ADAM12: variants seen among roughly 807,000 people sequenced by gnomAD.
The protein encoded by ADAM12 is ADAM metallopeptidase domain 12.
A neutral mutation model predicts 106.4 loss-of-function variants in ADAM12; 70 were observed. The observed-to-expected ratio is 0.66, with a 90% CI of 0.54 to 0.80. The LOEUF is 0.80. ADAM12 is among the 30% of genes least tolerant of loss of function. The probability of loss-of-function intolerance (pLI) is 0.00; values close to 1 mark genes in which losing one functional copy is unlikely to be tolerated. For missense variants in ADAM12, 1,010 were observed against 1,171.9 expected (o/e 0.86, Z 2.02); for synonymous variants, 420 against 433.5 (o/e 0.97, Z 0.39).
At chr10:126,113,658 CAAAAAAAAAA>C (rs1158414658) in intron 6 of ADAM12, among the ~76,000 whole-genome samples, 1 of 4,878 alleles carries the variant, frequency 2.1e-4, no homozygotes, top group Non-Finnish European at 3.9e-4. Context: ...GACTCCGTCT[CAAAAAAAAAA>C]AAAAAAAAAA....
rs766806574 is a variant in ADAM12 at position 126,064,752 on chromosome 10, C to T, written c.1609+54G>A. On this transcript the variant is annotated intron_variant, in intron 14 of 22. Coordinates refer to ENST00000448723, the MANE Select transcript of ADAM12 (RefSeq NM_001288973.2). The surrounding 1 kb of genome is among the most constrained non-coding windows in gnomAD (Gnocchi z 4.4). ...AACAGAGCACATGCCCCCAGTCCCA[C>T]AGCCCAGGTCTGCCAGTGCCTCTCC... 145 of 1,524,824 alleles carry T rather than the reference C, an allele frequency of 9.5e-5. No individual in the cohort carries two copies. Among genetic ancestry groups the T allele is most frequent in the Non-Finnish European group, 1.2e-4 (140 of 1,133,890 alleles). The allele number at this position is 1,524,824 out of a possible 1,614,324, so 94.5% of individuals were successfully genotyped here.
chr10:126,341,418 A>G (rs1854928336), intron 1 of ADAM12, among the ~76,000 whole-genome samples: 1 of 152,206 alleles, frequency 6.6e-6, no homozygotes, highest in South Asian at 2.1e-4. Context: ...AATGGGGTCC[A>G]AGGCTTCGTT....
chr10:126,145,217 G>C (rs1044895529), intron 4 of ADAM12, among the ~76,000 whole-genome samples: 11 of 152,142 alleles, frequency 7.2e-5, no homozygotes, highest in African/African-American at 2.7e-4. Flanking sequence ...TCTGAGTTCA[G>C]TTGGGCCTTG....
At chr10:126,286,433 G>C (rs1424031521) in intron 2 of ADAM12, among the ~76,000 whole-genome samples, 1 of 152,162 alleles carries the variant, frequency 6.6e-6, no homozygotes, top group Non-Finnish European at 1.5e-5. Flanking sequence ...TGGAAGCTCA[G>C]AGGGATCTAA....
At chr10:126,082,036 GA>G (rs1205680288) in intron 11 of ADAM12, among the ~76,000 whole-genome samples, 2 of 152,206 alleles carry the variant, frequency 1.3e-5, no homozygotes, top group Non-Finnish European at 2.9e-5. Flanking sequence ...TGGTGTCAAA[GA>G]AGCAAAACAG....
chr10:126,236,370 G>A (rs1958416140), intron 3 of ADAM12, among the ~76,000 whole-genome samples: 1 of 152,208 alleles, frequency 6.6e-6, no homozygotes, highest in African/African-American at 2.4e-5. Flanking sequence ...CGGGATAAGT[G>A]GGGAGCAGGA....
At chr10:126,114,760 G>A (rs927394298) in intron 6 of ADAM12, among the ~76,000 whole-genome samples, 1 of 152,132 alleles carries the variant, frequency 6.6e-6, no homozygotes, top group South Asian at 2.1e-4. Flanking sequence ...GACTACAGGC[G>A]TGAGCCCCCA....
chr10:126,252,523 G>A (rs1039710901), intron 3 of ADAM12, among the ~76,000 whole-genome samples: 3 of 152,164 alleles, frequency 2.0e-5, no homozygotes, highest in Admixed American at 1.3e-4. Context: ...TCTAAAGGCT[G>A]GAGACCTGGA....
chr10:126,030,239 C>T (rs192081287), intron 21 of ADAM12, among the ~76,000 whole-genome samples: 21 of 152,234 alleles, frequency 1.4e-4, no homozygotes, highest in African/African-American at 3.6e-4. Flanking sequence ...AGCAAGTTGA[C>T]GGTTGCTGAA....
chr10:126,241,756 A>G (rs963831092), intron 3 of ADAM12, among the ~76,000 whole-genome samples: 3 of 152,222 alleles, frequency 2.0e-5, no homozygotes, highest in Non-Finnish European at 2.9e-5. Flanking sequence ...CATCACTGTA[A>G]GTATTAGAAA....
intron 1 of ADAM12, among the ~76,000 whole-genome samples, chr10:126,358,580 A>T (rs1370701867): frequency 1.3e-5 from 2 of 152,212 alleles, no homozygotes; most frequent in African/African-American, 2.4e-5. Context: ...TAAGATCCGG[A>T]ACAAGACAAG....
chr10:126,174,387 C>T (rs1957180147), intron 3 of ADAM12, among the ~76,000 whole-genome samples: 1 of 152,156 alleles, frequency 6.6e-6, no homozygotes, highest in African/African-American at 2.4e-5. Flanking sequence ...CAGTTCCTCG[C>T]TTCTCAGCCA....
chr10:126,236,828 C>A lies in ADAM12; in HGVS notation c.260+42087G>T, dbSNP rs530911425. Among the ~76,000 whole-genome samples, 17 of 152,272 alleles carry A rather than the reference C, an allele frequency of 1.1e-4. No homozygotes were observed. In the East Asian group the frequency reaches 3.1e-3, roughly 28 times the overall value. On this transcript the variant is annotated intron_variant, in intron 3 of 22. Coordinates refer to ENST00000448723, the MANE Select transcript of ADAM12 (RefSeq NM_001288973.2). The stretch of plus-strand genomic sequence containing the variant: ...CAACAGATCTCTGAGGATGGAGAAA[C>A]CCCTGGGGACAGCACCCCCAAAGCC...
At chr10:126,183,460 A>G (rs894173061) in intron 3 of ADAM12, among the ~76,000 whole-genome samples, 1 of 152,146 alleles carries the variant, frequency 6.6e-6, no homozygotes, top group Non-Finnish European at 1.5e-5. Context: ...CAGGATGGCT[A>G]CTGCAGACAG....
chr10:126,206,600 A>T (rs979815117), intron 3 of ADAM12, among the ~76,000 whole-genome samples: 1 of 152,150 alleles, frequency 6.6e-6, no homozygotes, highest in Non-Finnish European at 1.5e-5. Context: ...CTATTACGGG[A>T]TGTTTATCTG....
rs754543870 is a variant in ADAM12 at position 126,013,300 on chromosome 10, C to G, written c.*3979G>C. 1 of 152,214 alleles carries G rather than the reference C, an allele frequency of 6.6e-6. No individual in the cohort carries two copies. Among genetic ancestry groups the G allele is most frequent in the Non-Finnish European group, 1.5e-5 (1 of 68,054 alleles). 9.4% of individuals were successfully genotyped at this position (152,214 alleles called of 1,614,324 possible). On this transcript the variant is annotated 3_prime_UTR_variant, in exon 23 of 23. Coordinates refer to ENST00000448723, the MANE Select transcript of ADAM12 (RefSeq NM_001288973.2). The surrounding 1 kb of genome is among the most constrained non-coding windows in gnomAD (Gnocchi z 4.3). ...CACAGAAATGGTTCTCAGCATGGGG[C>G]TCCCAAACTTTCTTAGAGTGTCATT...
intron 2 of ADAM12, among the ~76,000 whole-genome samples, chr10:126,329,262 C>G (rs934551908): frequency 1.3e-5 from 2 of 152,122 alleles, no homozygotes; most frequent in African/African-American, 2.4e-5. Context: ...CAACTCTAAC[C>G]CCAGGGAAAG....
chr10:126,211,380 C>T (rs1211002789), intron 3 of ADAM12, among the ~76,000 whole-genome samples: 1 of 152,224 alleles, frequency 6.6e-6, no homozygotes, highest in Non-Finnish European at 1.5e-5. Flanking sequence ...CACTTAAGTT[C>T]TTCTTTCAGT....
chr10:126,035,786 T>C (rs1055056268), intron 21 of ADAM12, among the ~76,000 whole-genome samples: 2 of 152,204 alleles, frequency 1.3e-5, no homozygotes, highest in Non-Finnish European at 2.9e-5. Flanking sequence ...AACTGATGCT[T>C]CTTAGGGTGA....
Sources: allele counts gnomAD v4.1 joint callset (sites outside exome capture counted in the v4.1 genomes callset), GRCh38; gene constraint gnomAD v4.1.1; non-coding constraint Gnocchi (gnomAD v3.1); transcripts MANE v1.5; gene names NCBI Gene and HGNC (gene_info 2026-07-23, HGNC 2026-07-21).